The following GRIN2B variants were observed in gnomAD, a reference collection of about 807,000 sequenced individuals.
The protein encoded by GRIN2B is glutamate ionotropic receptor NMDA type subunit 2B, also known as glutamate receptor ionotropic, NMDA 2B.
A neutral mutation model predicts 114.5 loss-of-function variants in GRIN2B; 5 were observed. That is an observed-to-expected ratio of 0.04 (90% CI 0.02 to 0.09). The LOEUF (loss-of-function observed/expected upper bound fraction) is 0.09. Ranked by LOEUF, GRIN2B falls within the 10% of genes least tolerant of loss-of-function variation. The pLI, the probability that GRIN2B is intolerant of heterozygous loss-of-function variation, is 1.00. For synonymous variants in GRIN2B, 787 were observed against 745.1 expected, an observed-to-expected ratio of 1.06 and a Z score of -0.92; for missense variants, 1,108 against 1,943.5, an observed-to-expected ratio of 0.57 and a Z score of 8.08.
Position 13,564,043 on chromosome 12 carries a change from G to A in GRIN2B, c.3195C>T (p.Thr1065=), listed in dbSNP as rs879254211. 1.2e-6 allele frequency: 2 copies of A among 1,614,260 alleles called. No individual in the cohort carries two copies. The highest frequency in any genetic ancestry group is 2.2e-5 in the East Asian group (1 of 44,886). ...LIRSDVSDIS[T]HTVTYGNIEG... ...CGATGTTCCCATAGGTGACGGTGTG[G>A]GTTGAGATGTCAGAGACATCGGAGC... Residue 1065 remains threonine (T), a synonymous_variant, in exon 14 of 14, where the codon ACC becomes ACT. Transcript: ENST00000609686. The surrounding 1 kb of genome is among the most constrained non-coding windows in gnomAD (Gnocchi z 4.8).
At position 13,791,408 on chromosome 12, in the gene GRIN2B, C is replaced by T. The variant is rs180832238; in HGVS notation, c.412-37493G>A. On this transcript the variant is annotated intron_variant, in intron 3 of 13. Transcript: ENST00000609686. ...CGGAGCTTGCAGTGAGCCGAGATTG[C>T]GCCACTGCACTCCAGCCTGGGTGAC... Among the ~76,000 whole-genome samples, 757 of 150,734 alleles carry T rather than the reference C, an allele frequency of 5.0e-3. 5 individuals are homozygous for T. The highest frequency in any genetic ancestry group is 8.4e-3 in the Non-Finnish European group (572 of 67,802).
intron 5 of GRIN2B, among the ~76,000 whole-genome samples, chr12:13,625,987 T>C (rs987865641): frequency 6.6e-6 from 1 of 152,222 alleles, no homozygotes; most frequent in Non-Finnish European, 1.5e-5. Flanking sequence ...CAGGATTTCC[T>C]GAAGTATCTA....
intron 4 of GRIN2B, among the ~76,000 whole-genome samples, chr12:13,749,561 C>T (rs1006611445): frequency 6.6e-6 from 1 of 152,202 alleles, no homozygotes; most frequent in Non-Finnish European, 1.5e-5. Flanking sequence ...ATAAAACAAC[C>T]AGCCATTTGC....
intron 3 of GRIN2B, among the ~76,000 whole-genome samples, chr12:13,791,463 T>TA (rs10699741): frequency 0.34 from 48,626 of 144,254 alleles, 8,350 homozygotes; most frequent in Middle Eastern, 0.46. Context: ...AAAAAAAAAA[T>TA]AAAAAAAAAA....
chr12:13,763,525 C>T (rs769172294), intron 3 of GRIN2B, among the ~76,000 whole-genome samples: 6 of 152,192 alleles, frequency 3.9e-5, no homozygotes, highest in Non-Finnish European at 8.8e-5. Context: ...GCTTCCTGTA[C>T]CTACAGATGC....
At chr12:13,787,212 T>C (rs981995025) in intron 3 of GRIN2B, among the ~76,000 whole-genome samples, 2 of 152,236 alleles carry the variant, frequency 1.3e-5, no homozygotes, top group Non-Finnish European at 2.9e-5. Context: ...CTTAAGTCTA[T>C]GAGAAGCCCC....
chr12:13,622,140 A>G (rs1018008042), intron 5 of GRIN2B, among the ~76,000 whole-genome samples: 1 of 152,216 alleles, frequency 6.6e-6, no homozygotes. Context: ...AAGATTCTGG[A>G]GCAAAAACAC....
intron 2 of GRIN2B, among the ~76,000 whole-genome samples, chr12:13,896,700 G>A (rs1866361988): frequency 1.3e-5 from 2 of 152,118 alleles, no homozygotes; most frequent in African/African-American, 4.8e-5. Context: ...AAAATGTGTT[G>A]GGGGATTGGG....
At chr12:13,695,619 C>A (rs1306037669) in intron 4 of GRIN2B, among the ~76,000 whole-genome samples, 54 of 152,002 alleles carry the variant, frequency 3.6e-4, no homozygotes, top group Admixed American at 3.5e-3. Flanking sequence ...TCAGGGTGGG[C>A]AGAAGCAATG....
rs1948612435 is a variant in GRIN2B, at chr12:13,564,701, C to T, written c.2599-62G>A. 1.4e-6 allele frequency: 2 copies of T among 1,394,198 alleles called. No homozygotes were observed. The highest frequency in any genetic ancestry group is 3.3e-5 in the Admixed American group (2 of 59,776). 86.4% of individuals were successfully genotyped at this position (1,394,198 alleles called of 1,614,324 possible). A position where few individuals can be genotyped will look rare whatever the true frequency, so the allele number is the denominator to read the frequency against. On this transcript the variant is annotated intron_variant, in intron 13 of 13. Transcript: ENST00000609686. The surrounding 1 kb of genome is among the most constrained non-coding windows in gnomAD (Gnocchi z 4.8). The stretch of plus-strand genomic sequence containing the variant: ...AGAGGCTAGAAATGACCACAAAAAA[C>T]ACTCTCCCACCAATAATTGCTCCAA...
intron 4 of GRIN2B, among the ~76,000 whole-genome samples, chr12:13,700,499 C>G (rs1301026924): frequency 6.6e-6 from 1 of 152,138 alleles, no homozygotes; most frequent in Non-Finnish European, 1.5e-5. Context: ...GCTGTAACTG[C>G]TTTGACCAAG....
chr12:13,823,018 G>T (rs971594306), intron 3 of GRIN2B, among the ~76,000 whole-genome samples: 1 of 151,974 alleles, frequency 6.6e-6, no homozygotes, highest in Non-Finnish European at 1.5e-5. Flanking sequence ...CCATTTCTGA[G>T]CCCCATTCTG....
At chr12:13,822,760 C>T (rs2136694748) in intron 3 of GRIN2B, among the ~76,000 whole-genome samples, 1 of 148,020 alleles carries the variant, frequency 6.8e-6, no homozygotes, top group South Asian at 2.2e-4. Flanking sequence ...CATACATCCG[C>T]CAATCTTTTG....
chr12:13,563,836 C>T lies in GRIN2B; in HGVS notation c.3402G>A (p.Leu1134=), dbSNP rs1227988479. 3 of 1,613,998 alleles carry T rather than the reference C, an allele frequency of 1.9e-6. No individual in the cohort carries two copies. Among genetic ancestry groups the T allele is most frequent in the Non-Finnish European group, 2.5e-6 (3 of 1,180,038 alleles). The change falls in exon 14 of 14, where the codon CTG becomes CTA. Residue 1134 remains leucine, a synonymous_variant. Coordinates refer to ENST00000609686, the MANE Select transcript of GRIN2B (RefSeq NM_000834.5). ...AGTTCTCCTTTGTTCGGAACTGGTC[C>T]AGGTAGAAGTCCCGTAGCCCTTCCT... ...RDKEGLRDFY[L]DQFRTKENSP... is the part of the protein sequence containing the mutation.
intron 3 of GRIN2B, among the ~76,000 whole-genome samples, chr12:13,763,099 TAA>T (rs1863712164): frequency 6.6e-6 from 1 of 151,310 alleles, no homozygotes; most frequent in Admixed American, 6.6e-5. Flanking sequence ...GAAATGAAAA[TAA>T]AATTGCACAG....
At chr12:13,940,221 A>C (rs896597512) in intron 2 of GRIN2B, among the ~76,000 whole-genome samples, 1 of 152,054 alleles carries the variant, frequency 6.6e-6, no homozygotes, top group Non-Finnish European at 1.5e-5. Context: ...CCCTGATGCC[A>C]CTTACACCCA....
intron 3 of GRIN2B, among the ~76,000 whole-genome samples, chr12:13,791,129 A>G (rs1864311794): frequency 6.6e-6 from 1 of 152,122 alleles, no homozygotes; most frequent in African/African-American, 2.4e-5. Context: ...ACAGAGAATT[A>G]AGGAGCTGAA....
intron 4 of GRIN2B, among the ~76,000 whole-genome samples, chr12:13,750,525 T>C (rs1863465175): frequency 6.6e-6 from 1 of 152,232 alleles, no homozygotes; most frequent in South Asian, 2.1e-4. Flanking sequence ...CTTCGTGTTG[T>C]TGGGCAGATG....
At chr12:13,635,582 C>T (rs569936957) in intron 5 of GRIN2B, among the ~76,000 whole-genome samples, 4 of 152,218 alleles carry the variant, frequency 2.6e-5, no homozygotes, top group East Asian at 3.9e-4. Flanking sequence ...AAATAGCAGA[C>T]GTAAGTAGCA....
Sources: allele counts gnomAD v4.1 joint callset (sites outside exome capture counted in the v4.1 genomes callset), GRCh38; gene constraint gnomAD v4.1.1; non-coding constraint Gnocchi (gnomAD v3.1); transcripts MANE v1.5; gene names NCBI Gene and HGNC (gene_info 2026-07-23, HGNC 2026-07-21).